The following CRIPTO variants were observed in gnomAD, a reference collection of about 807,000 sequenced individuals.
CRIPTO encodes the protein protein Cripto.
At chr3:46,579,559 C>T in the CRIPTO span, 1 of 1,178,820 alleles carries the variant, frequency 8.5e-7, no homozygotes, top group Non-Finnish European at 1.2e-6. Context: ...CCCCTGAGTC[C>T]ACTTCACACT....
At chr3:46,578,120 C>G in the CRIPTO span, 2 of 1,098,734 alleles carry the variant, frequency 1.8e-6, no homozygotes, top group East Asian at 4.7e-5. Context: ...AAAAGAGCTG[C>G]CAACCGCACT....
the CRIPTO span, chr3:46,579,589 C>T: frequency 8.6e-7 from 1 of 1,156,408 alleles, no homozygotes; most frequent in Non-Finnish European, 1.3e-6. Flanking sequence ...AGAACCACCA[C>T]TGGCCTATGC....
At chr3:46,579,969 C>T in the CRIPTO span, 2 of 1,614,226 alleles carry the variant, frequency 1.2e-6, no homozygotes, top group South Asian at 2.2e-5. Context: ...GGTCTGTGCC[C>T]CATGACACCT....
At chr3:46,578,437 G>A in the CRIPTO span, among the ~76,000 whole-genome samples, 28 of 151,872 alleles carry the variant, frequency 1.8e-4, no homozygotes, top group South Asian at 3.1e-3. Context: ...TAGTTTGGCC[G>A]GGTGCGGTGG....
chr3:46,580,065 G>A, the CRIPTO span: 1 of 1,614,250 alleles, frequency 6.2e-7, no homozygotes, highest in Non-Finnish European at 8.5e-7. Flanking sequence ...GCTGTGGTAA[G>A]CGGAGGTTCT....
the CRIPTO span, among the ~76,000 whole-genome samples, chr3:46,576,938 G>C: frequency 1.3e-5 from 2 of 151,630 alleles, no homozygotes; most frequent in African/African-American, 4.9e-5. Flanking sequence ...TCTCGGTGTC[G>C]TGGGGCCAGG....
the CRIPTO span, chr3:46,581,346 A>G: frequency 1.0e-6 from 1 of 988,240 alleles, no homozygotes. Context: ...CTGAAAGATG[A>G]TCATTTGTAG....
chr3:46,578,336 C>G, the CRIPTO span, among the ~76,000 whole-genome samples: 1 of 140,400 alleles, frequency 7.1e-6, no homozygotes, highest in Admixed American at 7.3e-5. Context: ...TAAGCAGATT[C>G]AATACTTGGC....
At chr3:46,580,614 AAT>A in the CRIPTO span, among the ~76,000 whole-genome samples, 463 of 152,272 alleles carry the variant, frequency 3.0e-3, 2 homozygotes, top group African/African-American at 0.01. Context: ...TGATTTGAGG[AAT>A]ACAATGAAAA....
chr3:46,579,555 A>G, the CRIPTO span: 9 of 1,199,606 alleles, frequency 7.5e-6, no homozygotes, highest in East Asian at 2.4e-5. Context: ...TCCTCCCCTG[A>G]GTCCACTTCA....
At chr3:46,579,880 C>G in the CRIPTO span, 1 of 1,614,042 alleles carries the variant, frequency 6.2e-7, no homozygotes, top group Non-Finnish European at 8.5e-7. Flanking sequence ...GGCGGGGAGC[C>G]GTGGAGAGGA....
chr3:46,582,453 A>T, the CRIPTO span: 1 of 152,206 alleles, frequency 6.6e-6, no homozygotes, highest in Non-Finnish European at 1.5e-5. Context: ...TGGAAACTAT[A>T]TTGACCTAAA....
the CRIPTO span, chr3:46,579,155 A>C: frequency 1.9e-6 from 3 of 1,613,866 alleles, no homozygotes; most frequent in Admixed American, 5.0e-5. Context: ...CCGGTGAGAG[A>C]CCTTTTGTTC....
the CRIPTO span, among the ~76,000 whole-genome samples, chr3:46,578,738 A>G: frequency 6.6e-6 from 1 of 152,194 alleles, no homozygotes; most frequent in Non-Finnish European, 1.5e-5. Flanking sequence ...AGTTTGTAAA[A>G]TGATTCATCG....
the CRIPTO span, chr3:46,578,120 C>T: frequency 9.1e-7 from 1 of 1,098,852 alleles, no homozygotes; most frequent in Admixed American, 1.8e-5. Flanking sequence ...AAAAGAGCTG[C>T]CAACCGCACT....
the CRIPTO span, chr3:46,579,285 G>A: frequency 2.5e-6 from 4 of 1,614,080 alleles, no homozygotes; most frequent in Admixed American, 6.7e-5. Flanking sequence ...GGCCTTCAGA[G>A]ATGACAGCAT....
At chr3:46,576,241 G>A in the CRIPTO span, among the ~76,000 whole-genome samples, 1 of 152,022 alleles carries the variant, frequency 6.6e-6, no homozygotes, top group South Asian at 2.1e-4. Context: ...AGGCCGAGGC[G>A]GGTGGATCAT....
the CRIPTO span, chr3:46,581,138 T>A: frequency 6.2e-7 from 1 of 1,613,686 alleles, no homozygotes; most frequent in Admixed American, 1.7e-5. Flanking sequence ...CCAGATGGCC[T>A]TGTGATGGAT....
the CRIPTO span, chr3:46,578,007 A>G: frequency 6.8e-6 from 11 of 1,614,066 alleles, no homozygotes; most frequent in South Asian, 1.1e-5. Flanking sequence ...TCTTACAGGT[A>G]TGAGCTAATC....
Sources: gnomAD v4.1 joint callset for allele counts (sites outside exome capture counted in the v4.1 genomes callset) on GRCh38, gnomAD v4.1.1 for gene constraint, MANE v1.5 for transcripts, NCBI Gene and HGNC (gene_info 2026-07-23, HGNC 2026-07-21) for gene names.